Variants in FCRL3 observed in about 807,000 individuals in gnomAD.
FCRL3 encodes the protein Fc receptor-like protein 3.
Under a neutral mutation model 75.0 loss-of-function variants are expected in FCRL3, and 89 were observed. The ratio of observed to expected loss-of-function variants is 1.19; its 90% CI spans 1.00 to 1.42. The LOEUF is 1.42. Ranked by LOEUF, FCRL3 falls within the 40% of genes most tolerant of loss-of-function variation. FCRL3 has a pLI of 0.00. For missense variants in FCRL3, 946 were observed against 880.0 expected, an observed-to-expected ratio of 1.07 and a Z score of -0.95; for synonymous variants, 376 against 348.5, an observed-to-expected ratio of 1.08 and a Z score of -0.88.
intron 3 of FCRL3, 68 bp from the exon 4 acceptor site, chr1:157,698,697 C>A (rs1243812649): frequency 6.5e-7 from 1 of 1,538,958 alleles, no homozygotes; most frequent in African/African-American, 1.4e-5. Context: ...ACATGGGGAG[C>A]CCAACCTACA....
At chr1:157,693,291 A>G (rs897239065) in intron 8 of FCRL3, among the ~76,000 whole-genome samples, 1 of 151,580 alleles carries the variant, frequency 6.6e-6, no homozygotes, top group Non-Finnish European at 1.5e-5. Flanking sequence ...AAAAAAAAAA[A>G]AAAAGGAAAT....
At chr1:157,682,458 A>G (rs1654913196) in intron 11 of FCRL3, among the ~76,000 whole-genome samples, 1 of 152,206 alleles carries the variant, frequency 6.6e-6, no homozygotes, top group African/African-American at 2.4e-5. Context: ...AGCTTTCTAC[A>G]TATGGTTAGC....
chr1:157,681,723 A>G (rs1284687881), intron 11 of FCRL3, among the ~76,000 whole-genome samples: 2 of 152,110 alleles, frequency 1.3e-5, no homozygotes, highest in African/African-American at 4.8e-5. Flanking sequence ...GTGTCTTTAT[A>G]GCAGGATGAT....
chr1:157,683,396 C>T, intron 10 of FCRL3, 152 bp from the exon 11 acceptor site: 1 of 920,756 alleles, frequency 1.1e-6, no homozygotes, highest in East Asian at 2.7e-5. Context: ...CTTACTCCCC[C>T]TATGTTATGT....
In FCRL3 at chr1:157,696,138, A is replaced by G. The variant is rs768496707; in HGVS notation, c.1034T>C (p.Val345Ala). Residue 345 changes from valine to alanine, a missense_variant, in exon 7 of 15, where the codon GTT (valine) becomes GCT (alanine). Transcript: ENST00000368184. ...TQRSLLAELH[V>A]LTVKESDAGR... ...TGCATCACTCTCCTTCACGGTGAGA[A>G]CATGCAGCTCTGCCAACAGGGAACG... 1.9e-6 allele frequency: 3 copies of G among 1,613,916 alleles called. No individual in the cohort carries two copies. The South Asian group carries it at 3.3e-5, about 18-fold the overall frequency.
In FCRL3 at chr1:157,680,773, G is replaced by A. The variant is rs1328792193; in HGVS notation, c.1958-3C>T. The stretch of plus-strand genomic sequence containing the variant: ...CGGGTTGCTATCTCCAGGATTTACT[G>A]TGAGAGAAGATATCATAGTTGGTTG... On this transcript the variant is annotated splice_region_variant and splice_polypyrimidine_tract_variant and intron_variant, in intron 12 of 14. Transcript: ENST00000368184. 1.9e-6 allele frequency: 3 copies of A among 1,613,376 alleles called. No homozygotes were observed. Among genetic ancestry groups the A allele is most frequent in the Non-Finnish European group, 2.5e-6 (3 of 1,179,324 alleles).
Position 157,698,407 on chromosome 1 carries a change from G to C in FCRL3, c.275C>G (p.Ala92Gly). The C allele has an allele frequency of 6.2e-7, 1 of 1,614,156 alleles. No homozygotes were observed. Among genetic ancestry groups the C allele is most frequent in the Non-Finnish European group, 8.5e-7 (1 of 1,179,998 alleles). ...ACCAGGTGAAAATTCCACATGCACG[G>C]CATCACTGAGGGAGGATCCTCGGGT... ...CKTRGSSLSD[A>G]VHVEFSPDWL... is the part of the protein sequence containing the mutation. The change falls in exon 4 of 15, where the codon GCC becomes GGC. Residue 92 changes from alanine (A) to glycine (G), a missense_variant. Ala to Gly is a moderately conservative substitution (Grantham distance 60). Transcript: ENST00000368184.
chr1:157,697,572 C>T (rs1571218074), intron 5 of FCRL3, 87 bp downstream of exon 5: 1 of 1,507,012 alleles, frequency 6.6e-7, no homozygotes, highest in East Asian at 2.3e-5. Flanking sequence ...ATAGGAGACT[C>T]TTTATGAAAT....
Position 157,677,482 on chromosome 1 carries a change from A to G in FCRL3, c.*1228T>C. ...TGTCCCTAGGACTTGAGGTGTTCAGAGATATTTGGAAACATCAGGATTTCA... is the reference window on the plus strand; with the variant it reads ...TGTCCCTAGGACTTGAGGTGTTCAGGGATATTTGGAAACATCAGGATTTCA... On this transcript the variant is annotated 3_prime_UTR_variant, in exon 15 of 15. Transcript: ENST00000368184. 1.0e-6 allele frequency: 1 copy of G among 985,438 alleles called. No homozygotes were observed. Among genetic ancestry groups the G allele is most frequent in the Non-Finnish European group, 1.2e-6 (1 of 829,928 alleles). 61.0% of individuals were successfully genotyped at this position (985,438 alleles called of 1,614,324 possible).
At chr1:157,686,019 A>G (rs1655155392) in intron 10 of FCRL3, among the ~76,000 whole-genome samples, 1 of 152,126 alleles carries the variant, frequency 6.6e-6, no homozygotes, top group Non-Finnish European at 1.5e-5. Context: ...AAATAGCTAA[A>G]TAAGTCACAC....
intron 2 of FCRL3, 128 bp downstream of exon 2, chr1:157,700,331 G>T: frequency 7.1e-7 from 1 of 1,412,916 alleles, no homozygotes; most frequent in Non-Finnish European, 9.7e-7. Flanking sequence ...ACCCAGCTCT[G>T]CTCACTTCCC....
At chr1:157,684,937 G>A (rs1297796076) in intron 10 of FCRL3, among the ~76,000 whole-genome samples, 2 of 152,110 alleles carry the variant, frequency 1.3e-5, no homozygotes, top group Admixed American at 6.6e-5. Flanking sequence ...GGGAGACTTT[G>A]CTATGAGGAG....
Position 157,697,801 on chromosome 1 carries a change from C to T in FCRL3, c.417G>A (p.Gln139=), listed in dbSNP as rs371251944. ...TCTCTAAATTATAACTATTAGGAAG[C>T]TGTTTTCCATCCTTGTAGTAAACCT... is the stretch of plus-strand genomic sequence containing the variant. ...HQKVYYKDGK[Q]LPNSYNLEKI... Residue 139 remains glutamine (Q), a synonymous_variant, in exon 5 of 15, where the codon CAG becomes CAA. Coordinates refer to ENST00000368184, the MANE Select transcript of FCRL3 (RefSeq NM_052939.4). 109 of 1,614,048 alleles carry T rather than the reference C, an allele frequency of 6.8e-5. No homozygotes were observed. The highest frequency in any genetic ancestry group is 8.2e-5 in the Non-Finnish European group (97 of 1,180,036).
intron 8 of FCRL3, among the ~76,000 whole-genome samples, chr1:157,693,759 C>T (rs199891030): frequency 3.6e-5 from 4 of 111,960 alleles, no homozygotes; most frequent in African/African-American, 1.1e-4. Flanking sequence ...TTTCTTTCTT[C>T]CTTTCGTTGA....
rs761324132 is a variant in FCRL3 at position 157,683,245 on chromosome 1, C to A, written c.1811-1G>T. On this transcript the variant is annotated splice_acceptor_variant, in intron 10 of 14. Coordinates refer to ENST00000368184, the MANE Select transcript of FCRL3 (RefSeq NM_052939.4). LOFTEE classifies it high-confidence loss of function. Reference sequence around the variant, plus strand: ...GATGTTCCAGTGGCAGAAAGTCCTCCTGCAAAACAAACAAAGGAAGGTTGG... The same window carrying A: ...GATGTTCCAGTGGCAGAAAGTCCTCATGCAAAACAAACAAAGGAAGGTTGG... 12 of 1,613,302 alleles carry A rather than the reference C, an allele frequency of 7.4e-6. No homozygotes were observed. Among genetic ancestry groups the A allele is most frequent in the African/African-American group, 1.3e-5 (1 of 74,834 alleles).
intron 6 of FCRL3, 94 bp from the exon 7 acceptor site, chr1:157,696,421 G>A: frequency 1.5e-6 from 2 of 1,338,160 alleles, no homozygotes; most frequent in Non-Finnish European, 2.1e-6. Flanking sequence ...GCCAATAGCA[G>A]CAGGTGCAGC....
rs556048645 is a variant in FCRL3, at chr1:157,679,039, C to G, written c.2027-66G>C. 11 of 1,534,204 alleles carry G rather than the reference C, an allele frequency of 7.2e-6. No homozygotes were observed. In the Admixed American group the frequency reaches 1.0e-4, roughly 14 times the overall value. ...GCAATATATTCCAACTTACAACGTA[C>G]GCACACTGCATTCCAAACCAATCTT... On this transcript the variant is annotated intron_variant, in intron 13 of 14. Transcript: ENST00000368184.
chr1:157,689,653 A>G (rs747126480), intron 10 of FCRL3, 145 bp downstream of exon 10: 2 of 1,050,858 alleles, frequency 1.9e-6, no homozygotes, highest in East Asian at 2.7e-5. Context: ...TTTTGCTACA[A>G]TTGCCTACAG....
chr1:157,689,677 A>G (rs1334684955), intron 10 of FCRL3, 121 bp downstream of exon 10: 1 of 1,281,824 alleles, frequency 7.8e-7, no homozygotes, highest in Non-Finnish European at 1.1e-6. Context: ...GACAGTGAGT[A>G]GTGGAACTGA....
Sources: allele counts gnomAD v4.1 joint callset (sites outside exome capture counted in the v4.1 genomes callset), GRCh38; gene constraint gnomAD v4.1.1; transcripts MANE v1.5; gene names NCBI Gene and HGNC (gene_info 2026-07-23, HGNC 2026-07-21).